The following FERMT1 variants were observed in gnomAD, a reference collection of about 807,000 sequenced individuals.
FERMT1 encodes FERM domain containing kindlin 1.
FERMT1 carries 60 observed loss-of-function variants against 85.3 expected under a neutral mutation model. The ratio of observed to expected loss-of-function variants is 0.70; its 90% CI spans 0.57 to 0.87. The LOEUF (loss-of-function observed/expected upper bound fraction) is 0.87. Among genes scored for constraint, FERMT1 ranks in the 40% least tolerant of loss-of-function variants. The pLI is 0.00. For synonymous variants in FERMT1, 275 were observed against 301.1 expected (o/e 0.91, Z 0.90); for missense variants, 701 against 818.9 (o/e 0.86, Z 1.76).
In FERMT1 at chr20:6,076,014, A is replaced by G. The variant is rs918624771; in HGVS notation, c.*1159T>C. 5 of 155,594 alleles carry G rather than the reference A, an allele frequency of 3.2e-5. No individual in the cohort carries two copies. Among genetic ancestry groups the G allele is most frequent in the Non-Finnish European group, 5.7e-5 (4 of 70,206 alleles). The allele number at this position is 155,594 out of a possible 1,614,324, so 9.6% of individuals were successfully genotyped here. On this transcript the variant is annotated 3_prime_UTR_variant, in exon 15 of 15. Transcript: ENST00000217289. ...AGTCTCAAGGCAGAGATGACACAGCAAAAAACAGAGGGGGAGAAAAAAGTC... is the reference window on the plus strand; with the variant it reads ...AGTCTCAAGGCAGAGATGACACAGCGAAAAACAGAGGGGGAGAAAAAAGTC...
chr20:6,107,024 C>T (rs538091072), intron 6 of FERMT1, among the ~76,000 whole-genome samples: 379 of 152,106 alleles, frequency 2.5e-3, no homozygotes, highest in African/African-American at 8.7e-3. Context: ...AGTGAAACCC[C>T]GTCTTTACTA....
intron 14 of FERMT1, among the ~76,000 whole-genome samples, chr20:6,078,117 C>T (rs886851404): frequency 5.3e-5 from 8 of 152,180 alleles, no homozygotes; most frequent in African/African-American, 1.9e-4. Context: ...ACCTTGGCTG[C>T]CCATTGAAAT....
At position 6,076,245 on chromosome 20, in the gene FERMT1, G is replaced by C; in HGVS notation, c.*928C>G. The C allele has an allele frequency of 2.9e-6, 1 of 343,116 alleles. No individual in the cohort carries two copies. Among genetic ancestry groups the C allele is most frequent in the Non-Finnish European group, 5.8e-6 (1 of 173,776 alleles). The allele number at this position is 343,116 out of a possible 1,614,324, so 21.3% of individuals were successfully genotyped here. On this transcript the variant is annotated 3_prime_UTR_variant, in exon 15 of 15. Coordinates refer to ENST00000217289, the MANE Select transcript of FERMT1 (RefSeq NM_017671.5). ...CATGGTGGTCTTTGAGAATGGGTCT[G>C]CCCTTCTCTCCCTGACCAGTTGGGA... is the stretch of plus-strand genomic sequence containing the variant.
At position 6,097,619 on chromosome 20, in the gene FERMT1, G is replaced by T. The variant is rs121918294; in HGVS notation, c.862C>A (p.Arg288=). The part of the protein sequence containing the change: ...FDLNPKYDAV[R]INQLYEQARW... The stretch of plus-strand genomic sequence containing the variant: ...GCTTGCTCATAGAGTTGGTTTATTC[G>T]GACAGCATCATACTAGAGACAAAAA... Residue 288 remains arginine (R), a synonymous_variant, in exon 7 of 15, where the codon CGA becomes AGA. Transcript: ENST00000217289. 2 of 1,612,214 alleles carry T rather than the reference G, an allele frequency of 1.2e-6. No homozygotes were observed. Among genetic ancestry groups the T allele is most frequent in the South Asian group, 2.2e-5 (2 of 91,042 alleles).
chr20:6,090,930 G>A lies in FERMT1; in HGVS notation c.1140-1841C>T, dbSNP rs1323496264. Among the ~76,000 whole-genome samples, 4 of 151,910 alleles carry A rather than the reference G, an allele frequency of 2.6e-5. No individual in the cohort carries two copies. The East Asian group carries it at 7.8e-4, about 30-fold the overall frequency. On this transcript the variant is annotated intron_variant, in intron 9 of 14. Coordinates refer to ENST00000217289, the MANE Select transcript of FERMT1 (RefSeq NM_017671.5). ...TGTAATCCCAGCACTTTGGGAGGCC[G>A]AGGCAGGCTGATCACTTGAGCTCAG...
chr20:6,078,824 A>T (rs1981912766), intron 14 of FERMT1, among the ~76,000 whole-genome samples: 1 of 152,152 alleles, frequency 6.6e-6, no homozygotes, highest in Non-Finnish European at 1.5e-5. Context: ...ATTTTCCATG[A>T]TACAGGCTTG....
chr20:6,107,968 C>T (rs780476181), intron 5 of FERMT1, among the ~76,000 whole-genome samples: 3 of 152,146 alleles, frequency 2.0e-5, no homozygotes, highest in South Asian at 2.1e-4. Flanking sequence ...CAGGTTCAAG[C>T]GATTCTCTTG....
Position 6,083,924 on chromosome 20 carries a change from A to G in FERMT1, c.1718+116T>C. 4 of 1,197,992 alleles carry G rather than the reference A, an allele frequency of 3.3e-6. No individual in the cohort carries two copies. The South Asian group carries it at 5.1e-5, about 15-fold the overall frequency. The allele number at this position is 1,197,992 out of a possible 1,614,324, so 74.2% of individuals were successfully genotyped here. The stretch of plus-strand genomic sequence containing the variant: ...GTGTCAGGACTATTTATAAAAGGGC[A>G]ATATTCTCAAATAAAAAGCATTCTA... On this transcript the variant is annotated intron_variant, in intron 13 of 14. Transcript: ENST00000217289.
chr20:6,082,339 T>C (rs1230441740), intron 13 of FERMT1, among the ~76,000 whole-genome samples: 1 of 152,074 alleles, frequency 6.6e-6, no homozygotes, highest in Non-Finnish European at 1.5e-5. Flanking sequence ...ATGGAGAAGC[T>C]GCGCTTGGGG....
intron 11 of FERMT1, among the ~76,000 whole-genome samples, chr20:6,085,686 C>T (rs1982159642): frequency 6.6e-6 from 1 of 152,016 alleles, no homozygotes; most frequent in African/African-American, 2.4e-5. Context: ...CCTGTGTCTA[C>T]TAAAAATACA....
rs1981826220 is a variant in FERMT1, at chr20:6,076,520, C to T, written c.*653G>A. 2.0e-6 allele frequency: 1 copy of T among 505,704 alleles called. No individual in the cohort carries two copies. The highest frequency in any genetic ancestry group is 1.5e-5 in the South Asian group (1 of 68,762). 31.3% of individuals were successfully genotyped at this position (505,704 alleles called of 1,614,324 possible). A position where few individuals can be genotyped will look rare whatever the true frequency, so the allele number is the denominator to read the frequency against. On this transcript the variant is annotated 3_prime_UTR_variant, in exon 15 of 15. Transcript: ENST00000217289. ...ATCTGAGGAGACCAATGACTAAGAC[C>T]AGATGTGGGTCAGTGGTCATCTTGG...
Position 6,101,369 on chromosome 20 carries a change from G to A in FERMT1, c.850-3738C>T, listed in dbSNP as rs150245480. 5.3e-5 allele frequency among the ~76,000 whole-genome samples: 8 copies of A among 152,056 alleles called. No individual in the cohort carries two copies. In the East Asian group the frequency reaches 1.5e-3, roughly 29 times the overall value. On this transcript the variant is annotated intron_variant, in intron 6 of 14. Transcript: ENST00000217289. ...TAGCCTTTCCTTTGATTTTTTTTCA[G>A]TGGTTAAAAAAAGTGAGTCTGACTT... is the stretch of plus-strand genomic sequence containing the variant.
In FERMT1 at chr20:6,087,896, G is replaced by A. The variant is rs1485861656; in HGVS notation, c.1265-13C>T. Reference sequence around the variant, plus strand: ...ACAACTTCGCAGCCTGAAGGACAAAGATCAGAGACAAAACTGAGTTCTGAG... The same window carrying A: ...ACAACTTCGCAGCCTGAAGGACAAAAATCAGAGACAAAACTGAGTTCTGAG... On this transcript the variant is annotated splice_polypyrimidine_tract_variant and intron_variant, in intron 10 of 14. Coordinates refer to ENST00000217289, the MANE Select transcript of FERMT1 (RefSeq NM_017671.5). 6.7e-7 allele frequency: 1 copy of A among 1,495,568 alleles called. No homozygotes were observed. The highest frequency in any genetic ancestry group is 1.4e-5 in the African/African-American group (1 of 72,556). The allele number at this position is 1,495,568 out of a possible 1,614,324, so 92.6% of individuals were successfully genotyped here. A position where few individuals can be genotyped will look rare whatever the true frequency, so the allele number is the denominator to read the frequency against.
intron 2 of FERMT1, among the ~76,000 whole-genome samples, chr20:6,117,300 A>G (rs1983127522): frequency 6.6e-6 from 1 of 151,644 alleles, no homozygotes; most frequent in South Asian, 2.1e-4. Context: ...ACAGAGTCTC[A>G]CTCTGTTGCC....
intron 14 of FERMT1, among the ~76,000 whole-genome samples, chr20:6,078,737 C>T (rs6053882): frequency 0.2 from 30,383 of 151,542 alleles, 3,738 homozygotes; most frequent in East Asian, 0.55. Context: ...ATCCTTCCCA[C>T]CTCGGCCTCC....
intron 5 of FERMT1, among the ~76,000 whole-genome samples, chr20:6,109,904 A>C (rs1939997785): frequency 6.7e-6 from 1 of 149,294 alleles, no homozygotes; most frequent in East Asian, 2.0e-4. Flanking sequence ...CTCCATCTCA[A>C]AAAAAAAAAA....
At chr20:6,106,680 T>C (rs1982804835) in intron 6 of FERMT1, among the ~76,000 whole-genome samples, 1 of 152,174 alleles carries the variant, frequency 6.6e-6, no homozygotes, top group South Asian at 2.1e-4. Flanking sequence ...GTTATTCTAA[T>C]AGACTTCAGG....
intron 13 of FERMT1, among the ~76,000 whole-genome samples, chr20:6,079,800 A>G (rs542575351): frequency 5.8e-4 from 89 of 152,360 alleles, no homozygotes; most frequent in Non-Finnish European, 1.0e-3. Flanking sequence ...TAAAACTGAC[A>G]TCAGAGAGAA....
rs373535136 is a variant in FERMT1 at position 6,103,920 on chromosome 20, T to A, written c.849+3612A>T. On this transcript the variant is annotated intron_variant, in intron 6 of 14. Coordinates refer to ENST00000217289, the MANE Select transcript of FERMT1 (RefSeq NM_017671.5). ...AGTTTTGCTCTCATTGCCCAGGCTG[T>A]AGTGCAACAGCATGATCTCGGCTCA... Among the ~76,000 whole-genome samples the A allele has an allele frequency of 2.6e-5, 4 of 151,886 alleles. No homozygotes were observed. The South Asian group carries it at 6.2e-4, about 24-fold the overall frequency.
Sources: gnomAD v4.1 joint callset for allele counts (sites outside exome capture counted in the v4.1 genomes callset) on GRCh38, gnomAD v4.1.1 for gene constraint, MANE v1.5 for transcripts, NCBI Gene and HGNC (gene_info 2026-07-23, HGNC 2026-07-21) for gene names.